Variants in ZSCAN20 observed in about 807,000 individuals in gnomAD.
ZSCAN20 encodes zinc finger and SCAN domain-containing protein 20.
Under a neutral mutation model 97.1 loss-of-function variants are expected in ZSCAN20, and 39 were observed. The ratio of observed to expected loss-of-function variants is 0.40; its 90% CI spans 0.31 to 0.52. ZSCAN20 has a LOEUF of 0.52. Ranked by LOEUF, ZSCAN20 falls within the 20% of genes least tolerant of loss-of-function variation. The pLI, the probability that ZSCAN20 is intolerant of heterozygous loss-of-function variation, is 0.49. For synonymous variants in ZSCAN20, 456 were observed against 467.3 expected (o/e 0.98, Z 0.31); for missense variants, 1,115 against 1,290.4 (o/e 0.86, Z 2.08).
At chr1:33,481,160 G>C (rs1193744723) in intron 2 of ZSCAN20, among the ~76,000 whole-genome samples, 3 of 152,146 alleles carry the variant, frequency 2.0e-5, no homozygotes, top group Non-Finnish European at 4.4e-5. Flanking sequence ...GTATGAGAGA[G>C]TGTGCCTTAT....
At chr1:33,487,018 AAAT>A (rs1227017119) in intron 2 of ZSCAN20, among the ~76,000 whole-genome samples, 3 of 152,258 alleles carry the variant, frequency 2.0e-5, no homozygotes, top group African/African-American at 7.2e-5. Flanking sequence ...TGGTTCAAAA[AAAT>A]AAGACTCAGA....
In ZSCAN20 at chr1:33,498,622, A is replaced by G. The variant is rs996142022; in HGVS notation, c.*3146A>G. The stretch of plus-strand genomic sequence containing the variant: ...GATTCTGCTCTTGGGAAGTAGATTC[A>G]CTCTGCAGAATGGGTGGACAGTTTC... On this transcript the variant is annotated 3_prime_UTR_variant, in exon 8 of 8. Coordinates refer to ENST00000684572, the MANE Select transcript of ZSCAN20 (RefSeq NM_001377376.1). Among the ~76,000 whole-genome samples the G allele has an allele frequency of 1.3e-5, 2 of 152,076 alleles. No homozygotes were observed. The highest frequency in any genetic ancestry group is 4.8e-5 in the African/African-American group (2 of 41,388).
rs779266532 is a variant in ZSCAN20, at chr1:33,500,066, C to T, written c.*4590C>T. On this transcript the variant is annotated 3_prime_UTR_variant, in exon 8 of 8. Coordinates refer to ENST00000684572, the MANE Select transcript of ZSCAN20 (RefSeq NM_001377376.1). ...AGGCCTGGGATGGTAGACACTGGATCCTTTTCCCCCACAGCTCCTGGCTGT... is the reference window on the plus strand; with the variant it reads ...AGGCCTGGGATGGTAGACACTGGATTCTTTTCCCCCACAGCTCCTGGCTGT... Among the ~76,000 whole-genome samples the T allele has an allele frequency of 1.3e-5, 2 of 152,166 alleles. No individual in the cohort carries two copies. Among genetic ancestry groups the T allele is most frequent in the Non-Finnish European group, 2.9e-5 (2 of 68,040 alleles).
In ZSCAN20 at chr1:33,499,614, T is replaced by C. The variant is rs1652993339; in HGVS notation, c.*4138T>C. Among the ~76,000 whole-genome samples the C allele has an allele frequency of 1.3e-5, 2 of 152,184 alleles. No individual in the cohort carries two copies. Among genetic ancestry groups the C allele is most frequent in the Non-Finnish European group, 2.9e-5 (2 of 68,028 alleles). ...GCACGTGCCTGGAGAGACCTGCCCA[T>C]TGGACTCATCTTGGACTCAGTTCTG... is the stretch of plus-strand genomic sequence containing the variant. On this transcript the variant is annotated 3_prime_UTR_variant, in exon 8 of 8. Coordinates refer to ENST00000684572, the MANE Select transcript of ZSCAN20 (RefSeq NM_001377376.1).
In ZSCAN20 at chr1:33,497,439, C is replaced by T. The variant is rs1459704046; in HGVS notation, c.*1963C>T. Among the ~76,000 whole-genome samples the T allele has an allele frequency of 1.3e-5, 2 of 152,082 alleles. No homozygotes were observed. Among genetic ancestry groups the T allele is most frequent in the Non-Finnish European group, 2.9e-5 (2 of 68,020 alleles). ...AGGGAGGGAATTCCAGGGAAAGGCA[C>T]TGTTGTGTGGAATAGCATGGATTCA... On this transcript the variant is annotated 3_prime_UTR_variant, in exon 8 of 8. Transcript: ENST00000684572.
chr1:33,483,185 G>GT (rs1652218983), intron 2 of ZSCAN20, among the ~76,000 whole-genome samples: 1 of 148,954 alleles, frequency 6.7e-6, no homozygotes, highest in South Asian at 2.1e-4. Context: ...GAATTTTATA[G>GT]TTTTTCATTT....
At position 33,479,641 on chromosome 1, in the gene ZSCAN20, G is replaced by C. The variant is rs757285535; in HGVS notation, c.353G>C (p.Ser118Thr). 5 of 1,607,416 alleles carry C rather than the reference G, an allele frequency of 3.1e-6. No homozygotes were observed. In the South Asian group the frequency reaches 5.5e-5, roughly 18 times the overall value. ...TGGGTGCAGGCACGCCACCCTGAGA[G>C]TGGTGAGGAGGCTGTGGCCTTGGTG... The part of the protein sequence containing the change: ...QTWVQARHPE[S>T]GEEAVALVED... Residue 118 changes from serine to threonine, a missense_variant, in exon 2 of 8, where the codon AGT (serine) becomes ACT (threonine). By Grantham distance (58) the Ser-to-Thr change is moderately conservative. Coordinates refer to ENST00000684572, the MANE Select transcript of ZSCAN20 (RefSeq NM_001377376.1).
intron 4 of ZSCAN20, 129 bp downstream of exon 4, chr1:33,489,320 C>A: frequency 1.8e-6 from 2 of 1,093,894 alleles, no homozygotes; most frequent in Non-Finnish European, 2.7e-6. Flanking sequence ...TTAGCCTTTG[C>A]CCTTCACCCC....
In ZSCAN20 at chr1:33,494,811, C is replaced by T; in HGVS notation, c.2467C>T (p.Gln823Ter). The T allele has an allele frequency of 6.2e-7, 1 of 1,614,156 alleles. No individual in the cohort carries two copies. Among genetic ancestry groups the T allele is most frequent in the Non-Finnish European group, 8.5e-7 (1 of 1,180,026 alleles). ...QRIHLGGNPD[Q>*]CSEPGGNFAQ... ...AATCCACTTGGGAGGAAATCCTGAC[C>T]AGTGTAGTGAGCCTGGGGGAAACTT... The change falls in exon 8 of 8, where the codon CAG becomes TAG. Residue 823 changes from glutamine (Q) to a stop codon, truncating the protein, a stop_gained. Transcript: ENST00000684572. LOFTEE classifies it high-confidence loss of function.
Position 33,494,710 on chromosome 1 carries a change from C to T in ZSCAN20, c.2366C>T (p.Thr789Met), listed in dbSNP as rs375908590. Residue 789 changes from threonine to methionine, a missense_variant, in exon 8 of 8, where the codon ACG becomes ATG. Physicochemically the swap from Thr to Met is moderately conservative, Grantham distance 81 (BLOSUM62 -1). Coordinates refer to ENST00000684572, the MANE Select transcript of ZSCAN20 (RefSeq NM_001377376.1). Reference sequence around the variant, plus strand: ...CTCATCACTCACCAGAGAATTCACACGGGGGAAAAGCCCTATAAATGTGGA... The same window carrying T: ...CTCATCACTCACCAGAGAATTCACATGGGGGAAAAGCCCTATAAATGTGGA... ...SNLITHQRIH[T>M]GEKPYKCGEC... 1.5e-4 allele frequency: 241 copies of T among 1,614,012 alleles called. No individual in the cohort carries two copies. The highest frequency in any genetic ancestry group is 5.7e-4 in the Admixed American group (34 of 60,014).
chr1:33,487,710 A>G (rs1652425004), intron 2 of ZSCAN20, among the ~76,000 whole-genome samples: 1 of 152,148 alleles, frequency 6.6e-6, no homozygotes. Flanking sequence ...TGGCATGATC[A>G]TAGGTCACTG....
rs2148481907 is a variant in ZSCAN20 at position 33,495,500 on chromosome 1, G to A, written c.*24G>A. ...AGGGGACAGTTTCCTCAACAACAAA[G>A]GAGGACTCAATGTATATATCTTATA... On this transcript the variant is annotated 3_prime_UTR_variant, in exon 8 of 8. Transcript: ENST00000684572. 6.7e-7 allele frequency: 1 copy of A among 1,494,930 alleles called. No individual in the cohort carries two copies. The highest frequency in any genetic ancestry group is 8.9e-7 in the Non-Finnish European group (1 of 1,120,952). The allele number at this position is 1,494,930 out of a possible 1,614,324, so 92.6% of individuals were successfully genotyped here. A position where few individuals can be genotyped will look rare whatever the true frequency, so the allele number is the denominator to read the frequency against.
Position 33,500,545 on chromosome 1 carries a change from C to T in ZSCAN20, c.*5069C>T, listed in dbSNP as rs749253898. On this transcript the variant is annotated 3_prime_UTR_variant, in exon 8 of 8. Transcript: ENST00000684572. Reference sequence around the variant, plus strand: ...TAATTTTACCTAAACATGCTATAGTCGACTAGGGAGTCACATAGACATTGA... The same window carrying T: ...TAATTTTACCTAAACATGCTATAGTTGACTAGGGAGTCACATAGACATTGA... Among the ~76,000 whole-genome samples, 37 of 152,010 alleles carry T rather than the reference C, an allele frequency of 2.4e-4. No individual in the cohort carries two copies. Among genetic ancestry groups the T allele is most frequent in the African/African-American group, 8.2e-4 (34 of 41,374 alleles).
rs1470171346 is a variant in ZSCAN20, at chr1:33,493,732, A to G, written c.1873+117A>G. On this transcript the variant is annotated intron_variant, in intron 7 of 7. Transcript: ENST00000684572. This position sits in a 1 kb window ranked among gnomAD's most constrained non-coding sequence, Gnocchi z 4.3. ...AAGAGAGAATGGGATTGAATGGGAA[A>G]AAGTATTTCTGCTTTGCTCAGATTA... is the stretch of plus-strand genomic sequence containing the variant. 6.9e-6 allele frequency: 8 copies of G among 1,159,044 alleles called. No individual in the cohort carries two copies. The highest frequency in any genetic ancestry group is 9.6e-6 in the Non-Finnish European group (8 of 832,344). 71.8% of individuals were successfully genotyped at this position (1,159,044 alleles called of 1,614,324 possible). A position where few individuals can be genotyped will look rare whatever the true frequency, so the allele number is the denominator to read the frequency against.
Position 33,487,324 on chromosome 1 carries a change from G to T in ZSCAN20, c.418-1141G>T, listed in dbSNP as rs143395275. 7.3e-4 allele frequency among the ~76,000 whole-genome samples: 111 copies of T among 152,324 alleles called. 3 individuals are homozygous for T. The highest frequency in any genetic ancestry group is 2.5e-3 in the African/African-American group (106 of 41,574). On this transcript the variant is annotated intron_variant, in intron 2 of 7. Transcript: ENST00000684572. ...GTTAGGTGTTTCTATAAAGTATTGAGATTGTTATATTTTGGAGGTTTTATA... is the reference window on the plus strand; with the variant it reads ...GTTAGGTGTTTCTATAAAGTATTGATATTGTTATATTTTGGAGGTTTTATA...
chr1:33,476,144 G>C (rs1273829261), intron 1 of ZSCAN20, among the ~76,000 whole-genome samples: 1 of 152,142 alleles, frequency 6.6e-6, no homozygotes, highest in African/African-American at 2.4e-5. Context: ...AGAAATTGCT[G>C]GTCCTAATGA....
intron 2 of ZSCAN20, among the ~76,000 whole-genome samples, chr1:33,485,405 GTCT>G (rs1652322830): frequency 6.6e-6 from 1 of 151,858 alleles, no homozygotes; most frequent in Non-Finnish European, 1.5e-5. Context: ...TTTGTCTTCT[GTCT>G]TCTTTTCTTT....
At chr1:33,486,458 TC>T (rs1652370186) in intron 2 of ZSCAN20, among the ~76,000 whole-genome samples, 1 of 152,244 alleles carries the variant, frequency 6.6e-6, no homozygotes, top group Non-Finnish European at 1.5e-5. Flanking sequence ...ACCTCACTTC[TC>T]TGACAGATCT....
Position 33,491,514 on chromosome 1 carries a change from A to T in ZSCAN20, c.1256A>T (p.Asp419Val). ...GCTCGGACAGCCATCAGAGCCACAGATGGCCCAGGAGAGGCCGTGGCACTT... is the reference window on the plus strand; with the variant it reads ...GCTCGGACAGCCATCAGAGCCACAGTTGGCCCAGGAGAGGCCGTGGCACTT... ...VRARTAIRAT[D>V]GPGEAVALPR... Residue 419 changes from aspartate to valine, a missense_variant, in exon 6 of 8, where the codon GAT becomes GTT. Asp to Val is a radical substitution (Grantham distance 152). Transcript: ENST00000684572. This position sits in a 1 kb window ranked among gnomAD's most constrained non-coding sequence, Gnocchi z 4.3. 1 of 1,614,050 alleles carries T rather than the reference A, an allele frequency of 6.2e-7. No individual in the cohort carries two copies.
Sources: allele counts gnomAD v4.1 joint callset (sites outside exome capture counted in the v4.1 genomes callset), GRCh38; gene constraint gnomAD v4.1.1; non-coding constraint Gnocchi (gnomAD v3.1); transcripts MANE v1.5; gene names NCBI Gene and HGNC (gene_info 2026-07-23, HGNC 2026-07-21).